DAO: variants seen among roughly 807,000 people sequenced by gnomAD.
DAO encodes D-amino acid oxidase.
In DAO, 51 loss-of-function variants were observed where a neutral mutation model predicts 50.1. The ratio of observed to expected loss-of-function variants is 1.02; its 90% CI spans 0.81 to 1.29. The LOEUF is 1.29. Among genes scored for constraint, DAO ranks in the 50% most tolerant of loss-of-function variants. The pLI, the probability that DAO is intolerant of heterozygous loss-of-function variation, is 0.00. For missense variants in DAO, 436 were observed against 439.4 expected (o/e 0.99, Z 0.07); for synonymous variants, 160 against 166.2 (o/e 0.96, Z 0.29).
In DAO at chr12:108,889,454, G is replaced by C; in HGVS notation, c.310-15G>C. On this transcript the variant is annotated splice_polypyrimidine_tract_variant and intron_variant, in intron 3 of 10. Transcript: ENST00000228476. ...TTCCATCCCACCCAGTGCCCCCTTT[G>C]TCCTTCCTCTTCAGGACCCTTCCTG... 1 of 1,604,196 alleles carries C rather than the reference G, an allele frequency of 6.2e-7. No homozygotes were observed. The highest frequency in any genetic ancestry group is 8.5e-7 in the Non-Finnish European group (1 of 1,172,668).
rs1222002570 is a variant in DAO, at chr12:108,884,839, A to G, written c.-9-159A>G. Among the ~76,000 whole-genome samples, 3 of 152,302 alleles carry G rather than the reference A, an allele frequency of 2.0e-5. No individual in the cohort carries two copies. The East Asian group carries it at 5.8e-4, about 29-fold the overall frequency. On this transcript the variant is annotated intron_variant, in intron 1 of 10. Coordinates refer to ENST00000228476, the MANE Select transcript of DAO (RefSeq NM_001917.5). ...TGTTTCCATTTGCAAAACGGGAACAATGATATTCCTTCCTCCTAGGGGTCA... is the reference window on the plus strand; with the variant it reads ...TGTTTCCATTTGCAAAACGGGAACAGTGATATTCCTTCCTCCTAGGGGTCA...
At chr12:108,890,897 C>T (rs933656932) in intron 5 of DAO, among the ~76,000 whole-genome samples, 6 of 152,196 alleles carry the variant, frequency 3.9e-5, no homozygotes, top group Non-Finnish European at 4.4e-5. Context: ...TGGCTCACTG[C>T]AAGCTCTGCC....
At chr12:108,883,828 C>A (rs576293277) in intron 1 of DAO, 1 of 335,386 alleles carries the variant, frequency 3.0e-6, no homozygotes, top group East Asian at 8.0e-5. Flanking sequence ...GAAACCCCAA[C>A]AGAGTCCAGT....
chr12:108,887,631 C>A, intron 3 of DAO, 67 bp downstream of exon 3: 2 of 1,151,714 alleles, frequency 1.7e-6, no homozygotes, highest in Non-Finnish European at 2.6e-6. Context: ...GTGGGTGCAG[C>A]AGAGCCTTAA....
Position 108,889,614 on chromosome 12 carries a change from A to G in DAO, c.386+69A>G, listed in dbSNP as rs150514758. 350 of 1,216,852 alleles carry G rather than the reference A, an allele frequency of 2.9e-4. 1 individual carries two copies. The African/African-American group carries it at 4.6e-3, about 16-fold the overall frequency. The allele number at this position is 1,216,852 out of a possible 1,614,324, so 75.4% of individuals were successfully genotyped here. A position where few individuals can be genotyped will look rare whatever the true frequency, so the allele number is the denominator to read the frequency against. ...TTAGCAGACCTGTCCAGAAGGCAGC[A>G]GAGGGTAGAGGCACCAGATTTCCTG... On this transcript the variant is annotated intron_variant, in intron 4 of 10. Coordinates refer to ENST00000228476, the MANE Select transcript of DAO (RefSeq NM_001917.5).
intron 5 of DAO, 29 bp from the exon 6 acceptor site, chr12:108,892,953 G>C (rs746066405): frequency 1.2e-6 from 2 of 1,610,698 alleles, no homozygotes; most frequent in Non-Finnish European, 1.7e-6. Context: ...GCTGAATACT[G>C]GGCTTTTTGA....
chr12:108,885,225 C>A, intron 2 of DAO, 25 bp downstream of exon 2: 1 of 1,605,992 alleles, frequency 6.2e-7, no homozygotes. Flanking sequence ...CATAGGGTAG[C>A]CTGGGGTGCC....
chr12:108,893,010 C>T lies in DAO; in HGVS notation c.481C>T (p.Gln161Ter). The stretch of plus-strand genomic sequence containing the variant: ...AACTGAGAGGGGAGTGAAGTTCTTC[C>T]AGCGGAAAGTGGAGTCTTTTGAGGA... The part of the protein sequence containing the change: ...RLTERGVKFF[Q>*]RKVESFEEVA... The change falls in exon 6 of 11, where the codon CAG (glutamine) becomes TAG (stop). Residue 161 changes from glutamine (Q) to a stop codon, truncating the protein, a stop_gained. Transcript: ENST00000228476. LOFTEE classifies it high-confidence loss of function. 1 of 1,613,994 alleles carries T rather than the reference C, an allele frequency of 6.2e-7. No individual in the cohort carries two copies. The highest frequency in any genetic ancestry group is 1.1e-5 in the South Asian group (1 of 91,070).
intron 2 of DAO, 140 bp from the exon 3 acceptor site, chr12:108,887,310 T>C (rs111341665): frequency 1.3e-5 from 10 of 761,932 alleles, no homozygotes; most frequent in African/African-American, 1.7e-5. Context: ...TTTGGGGAGT[T>C]GCAGGAGTGA....
chr12:108,889,468 G>T lies in DAO; in HGVS notation c.310-1G>T, dbSNP rs773557329. ...GTGCCCCCTTTGTCCTTCCTCTTCAGGACCCTTCCTGGAAGGACACAGTTC... is the reference window on the plus strand; with the variant it reads ...GTGCCCCCTTTGTCCTTCCTCTTCATGACCCTTCCTGGAAGGACACAGTTC... On this transcript the variant is annotated splice_acceptor_variant, in intron 3 of 10. Coordinates refer to ENST00000228476, the MANE Select transcript of DAO (RefSeq NM_001917.5). LOFTEE classifies it high-confidence loss of function. 1 of 1,610,564 alleles carries T rather than the reference G, an allele frequency of 6.2e-7. No homozygotes were observed. Among genetic ancestry groups the T allele is most frequent in the Admixed American group, 1.7e-5 (1 of 59,908 alleles).
intron 1 of DAO, chr12:108,883,667 T>C (rs763310555): frequency 6.6e-6 from 3 of 456,530 alleles, no homozygotes; most frequent in South Asian, 4.6e-5. Flanking sequence ...AGGCAAAGTA[T>C]GGGGGAAGAG....
Position 108,894,355 on chromosome 12 carries a change from G to A in DAO, c.600G>A (p.Gly200=), listed in dbSNP as rs765190914. The change falls in exon 7 of 11, where the codon GGG becomes GGA. Residue 200 remains glycine, a synonymous_variant. Transcript: ENST00000228476. ...QRDPLLQPGR[G]QIMKVDAPWM... is the part of the protein sequence containing the mutation. ...ACCCCCTGCTGCAGCCAGGCCGGGG[G>A]CAGATCATGAAGGTGAGTGTGAGGG... 2.0e-5 allele frequency: 33 copies of A among 1,613,452 alleles called. No individual in the cohort carries two copies. The highest frequency in any genetic ancestry group is 2.5e-5 in the Non-Finnish European group (30 of 1,179,676).
chr12:108,893,268 A>G (rs1284889728), intron 6 of DAO, among the ~76,000 whole-genome samples: 5 of 152,168 alleles, frequency 3.3e-5, no homozygotes, highest in Non-Finnish European at 5.9e-5. Context: ...GCTGATTTAT[A>G]TCTGAGACTC....
intron 2 of DAO, 141 bp downstream of exon 2, chr12:108,885,341 G>T (rs1201251095): frequency 1.2e-6 from 1 of 823,442 alleles, no homozygotes; most frequent in East Asian, 2.6e-5. Flanking sequence ...AGGCGTGGTG[G>T]TTCACGCCTT....
At position 108,884,125 on chromosome 12, in the gene DAO, G is replaced by C. The variant is rs112595451; in HGVS notation, c.-9-873G>C. On this transcript the variant is annotated intron_variant, in intron 1 of 10. Transcript: ENST00000228476. Reference sequence around the variant, plus strand: ...CTTCTCAGGGCCCAATCAGCCCTGTGCCCCAAGGCAGGTGGAGTTCTGTGC... The same window carrying C: ...CTTCTCAGGGCCCAATCAGCCCTGTCCCCCAAGGCAGGTGGAGTTCTGTGC... Among the ~76,000 whole-genome samples the C allele has an allele frequency of 2.6e-5, 4 of 152,370 alleles. No individual in the cohort carries two copies. In the East Asian group the frequency reaches 7.7e-4, roughly 29 times the overall value.
rs1261979591 is a variant in DAO at position 108,892,975 on chromosome 12, A to G, written c.453-7A>G. On this transcript the variant is annotated splice_region_variant and splice_polypyrimidine_tract_variant and intron_variant, in intron 5 of 10. Coordinates refer to ENST00000228476, the MANE Select transcript of DAO (RefSeq NM_001917.5). ...ACTGGGCTTTTTGATGTGTTTGATCATCCCAGGTTAACTGAGAGGGGAGTG... is the reference window on the plus strand; with the variant it reads ...ACTGGGCTTTTTGATGTGTTTGATCGTCCCAGGTTAACTGAGAGGGGAGTG... 6.2e-7 allele frequency: 1 copy of G among 1,613,978 alleles called. No individual in the cohort carries two copies. The highest frequency in any genetic ancestry group is 8.5e-7 in the Non-Finnish European group (1 of 1,179,826).
rs146524799 is a variant in DAO, at chr12:108,899,400, A to C, written c.837A>C (p.Arg279=). Residue 279 remains arginine, a synonymous_variant, in exon 10 of 11, where the codon CGA becomes CGC. Transcript: ENST00000228476. ...TLKNARIIGE[R]TGFRPVRPQI... Reference sequence around the variant, plus strand: ...AGAATGCAAGAATTATTGGTGAACGAACTGGCTTCCGGCCAGTACGCCCCC... The same window carrying C: ...AGAATGCAAGAATTATTGGTGAACGCACTGGCTTCCGGCCAGTACGCCCCC... 2.5e-6 allele frequency: 4 copies of C among 1,613,694 alleles called. No homozygotes were observed. The highest frequency in any genetic ancestry group is 1.3e-5 in the African/African-American group (1 of 74,930).
chr12:108,889,548 G>C lies in DAO; in HGVS notation c.386+3G>C, dbSNP rs774453502. On this transcript the variant is annotated splice_donor_region_variant and intron_variant, in intron 4 of 10. Coordinates refer to ENST00000228476, the MANE Select transcript of DAO (RefSeq NM_001917.5). ...CTGGATATGTTCCCAGATTACGGGT[G>C]AGTTTATTGTCACAGGCAAAGGGGA... 1.9e-6 allele frequency: 3 copies of C among 1,611,110 alleles called. No homozygotes were observed. The highest frequency in any genetic ancestry group is 2.7e-5 in the African/African-American group (2 of 74,860).
intron 4 of DAO, 140 bp downstream of exon 4, chr12:108,889,685 C>G (rs922785603): frequency 1.3e-5 from 9 of 704,560 alleles, no homozygotes; most frequent in South Asian, 8.8e-5. Context: ...CTTGGTCCAG[C>G]TCCTTCAGAG....
Sources: gnomAD v4.1 joint callset for allele counts (sites outside exome capture counted in the v4.1 genomes callset) on GRCh38, gnomAD v4.1.1 for gene constraint, MANE v1.5 for transcripts, NCBI Gene and HGNC (gene_info 2026-07-23, HGNC 2026-07-21) for gene names.